CDH18: variants seen among roughly 807,000 people sequenced by gnomAD.
The protein encoded by CDH18 is cadherin-18.
A neutral mutation model predicts 67.9 loss-of-function variants in CDH18; 31 were observed. The observed-to-expected ratio is 0.46, with a 90% CI of 0.34 to 0.62. The LOEUF (loss-of-function observed/expected upper bound fraction) is 0.62. Among genes scored for constraint, CDH18 ranks in the 20% least tolerant of loss-of-function variants. CDH18 has a pLI of 0.01. For synonymous variants in CDH18, 362 were observed against 347.2 expected, an observed-to-expected ratio of 1.04 and a Z score of -0.48; for missense variants, 890 against 975.5, an observed-to-expected ratio of 0.91 and a Z score of 1.17.
chr5:19,854,132 A>C (rs1281530752), intron 2 of CDH18, among the ~76,000 whole-genome samples: 2 of 152,114 alleles, frequency 1.3e-5, no homozygotes, highest in Non-Finnish European at 2.9e-5. Flanking sequence ...CATTAGGATA[A>C]TTTTGGAAGG....
At chr5:20,506,385 G>A (rs1005496670) in intron 1 of CDH18, among the ~76,000 whole-genome samples, 3 of 152,186 alleles carry the variant, frequency 2.0e-5, no homozygotes, top group Non-Finnish European at 4.4e-5. Context: ...TACCTTCCTG[G>A]CTCAGGACTC....
intron 2 of CDH18, among the ~76,000 whole-genome samples, chr5:20,145,840 T>C (rs1750602043): frequency 6.6e-6 from 1 of 152,188 alleles, no homozygotes; most frequent in Non-Finnish European, 1.5e-5. Context: ...TGAACTTTTA[T>C]ATTTTAGAAT....
At chr5:19,663,208 T>G (rs1757432220) in intron 5 of CDH18, among the ~76,000 whole-genome samples, 4 of 152,104 alleles carry the variant, frequency 2.6e-5, no homozygotes, top group Admixed American at 2.6e-4. Context: ...CGACAGAATT[T>G]TATCACAGGA....
intron 5 of CDH18, among the ~76,000 whole-genome samples, chr5:19,705,045 A>G (rs1238646653): frequency 6.6e-6 from 1 of 152,194 alleles, no homozygotes; most frequent in African/African-American, 2.4e-5. Context: ...TTTTCACTGG[A>G]AAGTGTTGCC....
chr5:19,845,423 G>T (rs1023274067), intron 2 of CDH18, among the ~76,000 whole-genome samples: 1 of 152,046 alleles, frequency 6.6e-6, no homozygotes, highest in Non-Finnish European at 1.5e-5. Context: ...TTGTTTTGTG[G>T]CCCAACACGT....
chr5:19,648,414 C>CAATA (rs550271325), intron 5 of CDH18, among the ~76,000 whole-genome samples: 5 of 151,534 alleles, frequency 3.3e-5, no homozygotes, highest in Admixed American at 2.0e-4. Context: ...AATTTGGTCT[C>CAATA]AATAAATAAA....
chr5:19,806,975 C>T (rs557719390), intron 3 of CDH18, among the ~76,000 whole-genome samples: 1 of 152,306 alleles, frequency 6.6e-6, no homozygotes, highest in Non-Finnish European at 1.5e-5. Flanking sequence ...ATATAATACT[C>T]TCTATTGCTC....
intron 2 of CDH18, among the ~76,000 whole-genome samples, chr5:20,080,574 A>G (rs2150541597): frequency 6.6e-6 from 1 of 152,312 alleles, no homozygotes; most frequent in South Asian, 2.1e-4. Context: ...TGAATGTAAT[A>G]AAGAGCAGAA....
At chr5:20,055,990 CTTTTTTTTTTTTTTTTT>C (rs34736791) in intron 2 of CDH18, among the ~76,000 whole-genome samples, 7 of 73,790 alleles carry the variant, frequency 9.5e-5, no homozygotes, top group African/African-American at 3.7e-4. Flanking sequence ...TTTTGGTTTC[CTTTTTTTTTTTTTTTTT>C]TTTTTTTTTT....
chr5:20,081,708 C>T (rs1744492191), intron 2 of CDH18, among the ~76,000 whole-genome samples: 1 of 152,196 alleles, frequency 6.6e-6, no homozygotes, highest in Admixed American at 6.5e-5. Context: ...AAACCAAATA[C>T]CACATGTTCT....
intron 2 of CDH18, among the ~76,000 whole-genome samples, chr5:20,115,626 A>G (rs1232036409): frequency 6.6e-6 from 1 of 152,038 alleles, no homozygotes; most frequent in Non-Finnish European, 1.5e-5. Flanking sequence ...GGGTTAGGGT[A>G]TCAACATAGG....
chr5:20,521,251 G>A (rs950204162), intron 1 of CDH18, among the ~76,000 whole-genome samples: 4 of 152,076 alleles, frequency 2.6e-5, no homozygotes, highest in African/African-American at 9.7e-5. Flanking sequence ...TCTTGACTAG[G>A]AAAAGTATAA....
intron 1 of CDH18, among the ~76,000 whole-genome samples, chr5:20,400,178 C>T (rs1056625631): frequency 6.6e-6 from 1 of 152,272 alleles, no homozygotes; most frequent in South Asian, 2.1e-4. Flanking sequence ...GCTTTATCAA[C>T]TACATTTATG....
At chr5:20,188,863 A>AAAATC (rs1554100582) in intron 2 of CDH18, among the ~76,000 whole-genome samples, 1 of 150,684 alleles carries the variant, frequency 6.6e-6, no homozygotes, top group African/African-American at 2.5e-5. Flanking sequence ...AAAAAAAAAA[A>AAAATC]TCCACTCTCT....
At chr5:19,789,288 A>C (rs1776127407) in intron 3 of CDH18, among the ~76,000 whole-genome samples, 2 of 152,346 alleles carry the variant, frequency 1.3e-5, no homozygotes, top group Non-Finnish European at 2.9e-5. Flanking sequence ...TAAAGTAAAA[A>C]TAATAGTACT....
intron 2 of CDH18, among the ~76,000 whole-genome samples, chr5:20,038,407 T>G (rs1037132035): frequency 6.6e-6 from 1 of 151,900 alleles, no homozygotes; most frequent in African/African-American, 2.4e-5. Flanking sequence ...ATAAAGAAAA[T>G]TTAAGGCCAA....
intron 1 of CDH18, among the ~76,000 whole-genome samples, chr5:20,379,278 T>C (rs983547192): frequency 1.3e-5 from 2 of 152,200 alleles, no homozygotes; most frequent in African/African-American, 2.4e-5. Flanking sequence ...TTAATATTGC[T>C]AGATCTTATA....
chr5:20,523,236 A>C (rs555488291), intron 1 of CDH18, among the ~76,000 whole-genome samples: 2 of 152,306 alleles, frequency 1.3e-5, no homozygotes, highest in East Asian at 3.9e-4. Flanking sequence ...TTGCTCATGC[A>C]TGCTTTTTGC....
intron 2 of CDH18, among the ~76,000 whole-genome samples, chr5:20,053,053 GAATTTTAGA>G (rs1433436170): frequency 6.6e-6 from 1 of 151,206 alleles, no homozygotes; most frequent in Non-Finnish European, 1.5e-5. Context: ...TAAAAAGAGT[GAATTTTAGA>G]AAGCATGTAA....
Sources: allele counts gnomAD v4.1 joint callset (sites outside exome capture counted in the v4.1 genomes callset), GRCh38; gene constraint gnomAD v4.1.1; transcripts MANE v1.5; gene names NCBI Gene and HGNC (gene_info 2026-07-23, HGNC 2026-07-21).